Variants in KCTD14 observed in about 807,000 individuals in gnomAD.
KCTD14 encodes potassium channel tetramerization domain containing 14, also known as BTB/POZ domain-containing protein KCTD14.
A neutral mutation model predicts 5.9 loss-of-function variants in KCTD14; 7 were observed. The observed-to-expected ratio is 1.19, with a 90% confidence interval of 0.68 to 2.23. The LOEUF is 2.23. KCTD14 is among the 30% of genes most tolerant of loss of function. KCTD14 has a pLI of 0.00. For synonymous variants in KCTD14, 140 were observed against 133.1 expected (o/e 1.05, Z -0.36); for missense variants, 342 against 332.2 (o/e 1.03, Z -0.23).
chr11:78,031,705 G>A (rs924625975), intron 2 of KCTD14, among the ~76,000 whole-genome samples: 7 of 152,130 alleles, frequency 4.6e-5, no homozygotes, highest in Admixed American at 4.6e-4. Flanking sequence ...CCTTTTTAGA[G>A]AGGAGGAACA....
At chr11:78,017,388 C>A in intron 1 of KCTD14, 118 bp from the exon 2 acceptor site, 1 of 1,293,678 alleles carries the variant, frequency 7.7e-7, no homozygotes, top group Non-Finnish European at 1.0e-6. Context: ...TTGGCTTCAG[C>A]TAGTGAAAGG....
chr11:78,044,955 G>A (rs1216797374), intron 1 of KCTD14, among the ~76,000 whole-genome samples: 5 of 152,130 alleles, frequency 3.3e-5, no homozygotes, highest in South Asian at 4.1e-4. Context: ...GGAGGGGCCC[G>A]CATGTGTAGT....
At chr11:78,040,358 T>C (rs1857954500) in intron 1 of KCTD14, among the ~76,000 whole-genome samples, 1 of 152,164 alleles carries the variant, frequency 6.6e-6, no homozygotes, top group East Asian at 1.9e-4. Flanking sequence ...TTCTTTCTTC[T>C]TTTTTTCCTT....
chr11:78,032,836 G>GC (rs1439551901), intron 2 of KCTD14, among the ~76,000 whole-genome samples: 1 of 150,858 alleles, frequency 6.6e-6, no homozygotes, highest in Non-Finnish European at 1.5e-5. Context: ...ACAGCACCAT[G>GC]CCCAGCTAAT....
rs534936161 is a variant in KCTD14, at chr11:78,017,080, C to G, written c.281G>C (p.Arg94Pro). 3.7e-6 allele frequency: 6 copies of G among 1,614,086 alleles called. No individual in the cohort carries two copies. Among genetic ancestry groups the G allele is most frequent in the Non-Finnish European group, 5.1e-6 (6 of 1,180,054 alleles). The change falls in exon 2 of 2, where the codon CGC becomes CCC. Residue 94 changes from arginine to proline, a missense_variant. Physicochemically the swap from Arg to Pro is moderately radical, Grantham distance 103 (BLOSUM62 -2). Coordinates refer to ENST00000353172, the MANE Select transcript of KCTD14 (RefSeq NM_023930.4). ...GTGCTGTGTGGGCACTTGCCCAGTG[C>G]GCAGGTAGTCCAGGATGGGTCTGAA... ...TYFRPILDYL[R>P]TGQVPTQHIP...
At chr11:78,039,675 G>C (rs1184107941) in intron 1 of KCTD14, among the ~76,000 whole-genome samples, 1 of 151,998 alleles carries the variant, frequency 6.6e-6, no homozygotes, top group East Asian at 1.9e-4. Flanking sequence ...ACTGAGGTGG[G>C]AGGATCACTT....
Position 78,033,901 on chromosome 11 carries a change from G to GTGTGTGTGTGTACATATA in KCTD14, c.-1+4762_-1+4763insTATATGTACACACACACA. ...ATAGTGTGTGTGTATGTGTGTGTGTGTATATATATATATACACACATTATA... is the reference window on the plus strand; with the variant it reads ...ATAGTGTGTGTGTATGTGTGTGTGTGTGTGTGTGTGTACATATATATATATATATATACACACATTATA... On this transcript the variant is annotated intron_variant, in intron 2 of 2. Coordinates refer to the KCTD14 transcript ENST00000533144. Among the ~76,000 whole-genome samples the GTGTGTGTGTGTACATATA allele has an allele frequency of 8.7e-5, 10 of 115,604 alleles. 1 individual carries two copies. The highest frequency in any genetic ancestry group is 3.5e-4 in the African/African-American group (10 of 28,542). The allele number at this position is 115,604 out of a possible 152,430, so 75.8% of individuals were successfully genotyped here.
intron 1 of KCTD14, among the ~76,000 whole-genome samples, chr11:78,017,717 C>T (rs77480516): frequency 2.0e-5 from 3 of 151,910 alleles, no homozygotes; most frequent in Admixed American, 6.6e-5. Flanking sequence ...AGTGCCCGGC[C>T]GAGGGTGGGC....
chr11:78,018,755 A>G (rs1857237760), intron 1 of KCTD14, among the ~76,000 whole-genome samples: 2 of 152,058 alleles, frequency 1.3e-5, no homozygotes, highest in Admixed American at 6.6e-5. Flanking sequence ...TGGAGTTGTT[A>G]TGAAGTCAAG....
At chr11:78,020,385 A>T (rs1190346633) in intron 1 of KCTD14, among the ~76,000 whole-genome samples, 2 of 152,194 alleles carry the variant, frequency 1.3e-5, no homozygotes, top group Non-Finnish European at 2.9e-5. Context: ...TGCTGGAGAA[A>T]TCTGATTGCC....
rs536967178 is a variant in KCTD14, at chr11:78,019,520, T to C, written c.91-2250A>G. 1.2e-4 allele frequency among the ~76,000 whole-genome samples: 18 copies of C among 152,220 alleles called. No homozygotes were observed. In the South Asian group the frequency reaches 1.9e-3, roughly 16 times the overall value. ...TTTTTTAGAGACGGGTCTTACTATG[T>C]TGCCCAGGCTGGTCTTGAACTCCTG... On this transcript the variant is annotated intron_variant, in intron 1 of 1. Coordinates refer to ENST00000353172, the MANE Select transcript of KCTD14 (RefSeq NM_023930.4).
At chr11:78,037,644 C>A (rs1857849261) in intron 2 of KCTD14, among the ~76,000 whole-genome samples, 1 of 152,112 alleles carries the variant, frequency 6.6e-6, no homozygotes, top group South Asian at 2.1e-4. Flanking sequence ...AATGGTGAAA[C>A]CCCGTCTCTA....
chr11:78,042,639 C>T (rs756425140), intron 1 of KCTD14, among the ~76,000 whole-genome samples: 5 of 152,224 alleles, frequency 3.3e-5, no homozygotes, highest in African/African-American at 4.8e-5. Flanking sequence ...GCATCATTGT[C>T]TGGGGTAAAT....
intron 2 of KCTD14, among the ~76,000 whole-genome samples, chr11:78,035,873 T>C (rs1407849457): frequency 7.2e-6 from 1 of 138,872 alleles, no homozygotes; most frequent in Non-Finnish European, 1.5e-5. Flanking sequence ...AAACAGTCCC[T>C]TCATGGCCGG....
chr11:78,033,918 C>T (rs1460424614), intron 2 of KCTD14, among the ~76,000 whole-genome samples: 7 of 59,842 alleles, frequency 1.2e-4, no homozygotes, highest in East Asian at 4.2e-4. Context: ...TATATATACA[C>T]ACATTATATA....
intron 1 of KCTD14, among the ~76,000 whole-genome samples, chr11:78,021,635 C>T (rs1857310906): frequency 6.6e-6 from 1 of 152,066 alleles, no homozygotes; most frequent in Non-Finnish European, 1.5e-5. Context: ...GCCAGGCTGG[C>T]CTCGAACGCC....
chr11:78,026,797 G>A (rs1857478401), upstream of KCTD14, among the ~76,000 whole-genome samples: 1 of 152,092 alleles, frequency 6.6e-6, no homozygotes, highest in African/African-American at 2.4e-5. Context: ...TTGGACTAGA[G>A]ATTGTAAATA....
At chr11:78,019,997 T>A (rs560042080) in intron 1 of KCTD14, among the ~76,000 whole-genome samples, 1 of 152,356 alleles carries the variant, frequency 6.6e-6, no homozygotes, top group Admixed American at 6.5e-5. Flanking sequence ...ATGTTGGGCC[T>A]ATTACATGCA....
chr11:78,024,043 T>A (rs746880304), upstream of KCTD14, among the ~76,000 whole-genome samples: 3 of 152,154 alleles, frequency 2.0e-5, no homozygotes, highest in Non-Finnish European at 2.9e-5. Context: ...AGTGTTCCCA[T>A]GACAATGCAT....
Sources: allele counts gnomAD v4.1 joint callset (sites outside exome capture counted in the v4.1 genomes callset), GRCh38; gene constraint gnomAD v4.1.1; transcripts MANE v1.5; gene names NCBI Gene and HGNC (gene_info 2026-07-23, HGNC 2026-07-21).